CLECL1: variants seen among roughly 807,000 people sequenced by gnomAD.
CLECL1 encodes the protein C-type lectin-like domain family 1.
chr12:9,705,313 A>G, the CLECL1 span, among the ~76,000 whole-genome samples: 2 of 151,812 alleles, frequency 1.3e-5, no homozygotes, highest in African/African-American at 4.8e-5. Flanking sequence ...TTAGATCATT[A>G]TCAGATGCAT....
At chr12:9,719,640 AG>A (rs1400611995), downstream of CLECL1, among the ~76,000 whole-genome samples, 2 of 152,100 alleles carry the variant, frequency 1.3e-5, no homozygotes, top group Non-Finnish European at 2.9e-5. Context: ...TGGAGGCTGG[AG>A]GGGTGGATCC....
downstream of CLECL1, among the ~76,000 whole-genome samples, chr12:9,722,058 T>C (rs1239115126): frequency 1.3e-5 from 2 of 152,188 alleles, no homozygotes; most frequent in African/African-American, 4.8e-5. Flanking sequence ...GCTACTGACA[T>C]AGCTTGTGAT....
intron 1 of CLECL1, 150 bp downstream of exon 1, chr12:9,732,799 A>G: frequency 3.4e-6 from 2 of 591,826 alleles, no homozygotes; most frequent in Non-Finnish European, 5.5e-6. Context: ...TTGCTTCATT[A>G]AAAACATTCG....
the CLECL1 span, among the ~76,000 whole-genome samples, chr12:9,705,879 A>G: frequency 6.6e-6 from 1 of 152,098 alleles, no homozygotes; most frequent in Non-Finnish European, 1.5e-5. Flanking sequence ...CAGGCTATTC[A>G]GGCTCTTTTT....
intron 2 of CLECL1, among the ~76,000 whole-genome samples, chr12:9,729,235 C>A (rs1387991580): frequency 6.6e-6 from 1 of 152,028 alleles, no homozygotes; most frequent in East Asian, 1.9e-4. Flanking sequence ...AATAAGCATA[C>A]ACAGAAACAC....
the CLECL1 span, chr12:9,708,752 A>T: frequency 6.1e-6 from 1 of 163,278 alleles, no homozygotes; most frequent in Non-Finnish European, 1.3e-5. Flanking sequence ...GGTCAAGGTC[A>T]CTGGGTCTCA....
chr12:9,722,207 G>C (rs1866321692), downstream of CLECL1, among the ~76,000 whole-genome samples: 1 of 152,160 alleles, frequency 6.6e-6, no homozygotes, highest in Non-Finnish European at 1.5e-5. Context: ...GGCAGAGTTA[G>C]CTAAATGTTA....
downstream of CLECL1, among the ~76,000 whole-genome samples, chr12:9,719,218 T>G (rs2401390): frequency 1.3e-5 from 2 of 151,990 alleles, no homozygotes; most frequent in Admixed American, 6.6e-5. Flanking sequence ...GAGGAACCCT[T>G]GAGACCAGGA....
At position 9,723,936 on chromosome 12, in the gene CLECL1, C is replaced by T. The variant is rs1192494035; in HGVS notation, n.263-1123G>A. Among the ~76,000 whole-genome samples, 3 of 151,910 alleles carry T rather than the reference C, an allele frequency of 2.0e-5. No homozygotes were observed. In the East Asian group the frequency reaches 5.8e-4, roughly 29 times the overall value. ...GGTGCAATGGCTCACGTCTGTGATC[C>T]CAACACTATGGGAGGCTGAGGCAAG... On this transcript the variant is annotated intron_variant and non_coding_transcript_variant, in intron 3 of 3. Transcript: ENST00000621400.
At chr12:9,712,023 T>A (rs1369307537), downstream of CLECL1, among the ~76,000 whole-genome samples, 5 of 152,152 alleles carry the variant, frequency 3.3e-5, no homozygotes, top group South Asian at 4.1e-4. Context: ...ATCCAATACA[T>A]CTAGATAAAT....
intron 3 of CLECL1, among the ~76,000 whole-genome samples, chr12:9,723,559 T>TTTATCA (rs1216117652): frequency 3.9e-5 from 6 of 151,904 alleles, no homozygotes; most frequent in African/African-American, 1.5e-4. Context: ...AGGGCAAAAG[T>TTTATCA]TTATCATTTT....
At chr12:9,704,302 T>C in the CLECL1 span, 1 of 152,230 alleles carries the variant, frequency 6.6e-6, no homozygotes, top group African/African-American at 2.4e-5. Flanking sequence ...ACATATTCTA[T>C]GCTCCAAGGC....
At chr12:9,711,442 C>G (rs1866199830), downstream of CLECL1, among the ~76,000 whole-genome samples, 1 of 151,974 alleles carries the variant, frequency 6.6e-6, no homozygotes, top group South Asian at 2.1e-4. Flanking sequence ...CTACTTAGAG[C>G]TTTTCCACTT....
chr12:9,708,096 C>T, the CLECL1 span, among the ~76,000 whole-genome samples: 1 of 152,166 alleles, frequency 6.6e-6, no homozygotes, highest in Non-Finnish European at 1.5e-5. Flanking sequence ...TGGGAGGAAG[C>T]TGGGGCAGTA....
At chr12:9,721,993 G>A (rs59819191), downstream of CLECL1, among the ~76,000 whole-genome samples, 2,873 of 152,222 alleles carry the variant, frequency 0.019, 85 homozygotes, top group African/African-American at 0.06. Context: ...TTCAGATGGC[G>A]CATGTTCAAC....
chr12:9,723,956 G>A (rs887183192), intron 3 of CLECL1, among the ~76,000 whole-genome samples: 2 of 152,066 alleles, frequency 1.3e-5, no homozygotes, highest in African/African-American at 4.8e-5. Context: ...GGGAGGCTGA[G>A]GCAAGCAGAT....
downstream of CLECL1, chr12:9,718,844 C>A: frequency 3.1e-6 from 2 of 653,610 alleles, no homozygotes; most frequent in Non-Finnish European, 5.5e-6. Flanking sequence ...GACTTCTAGG[C>A]TTTAGCTGTG....
At chr12:9,706,619 G>A in the CLECL1 span, among the ~76,000 whole-genome samples, 1 of 152,140 alleles carries the variant, frequency 6.6e-6, no homozygotes, top group African/African-American at 2.4e-5. Context: ...TAAGCATGTG[G>A]TTTTTGTCTT....
At chr12:9,720,363 T>A (rs989808858), downstream of CLECL1, among the ~76,000 whole-genome samples, 2 of 147,764 alleles carry the variant, frequency 1.4e-5, no homozygotes, top group African/African-American at 5.1e-5. Flanking sequence ...TTTTTTGAGA[T>A]GGAGTTTCGC....
Sources: allele counts gnomAD v4.1 joint callset (sites outside exome capture counted in the v4.1 genomes callset), GRCh38; gene constraint gnomAD v4.1.1; transcripts MANE v1.5; gene names NCBI Gene and HGNC (gene_info 2026-07-23, HGNC 2026-07-21).